Variants in EAF2 observed in about 807,000 individuals in gnomAD.
The protein encoded by EAF2 is ELL-associated factor 2.
A neutral mutation model predicts 29.4 loss-of-function variants in EAF2; 29 were observed. That is an observed-to-expected ratio of 0.99 (90% CI 0.73 to 1.35). The LOEUF (loss-of-function observed/expected upper bound fraction) is 1.35. EAF2 is among the 40% of genes most tolerant of loss of function. The pLI, the probability that EAF2 is intolerant of heterozygous loss-of-function variation, is 0.00. For missense variants in EAF2, 292 were observed against 312.0 expected (o/e 0.94, Z 0.48); for synonymous variants, 103 against 102.5 (o/e 1.00, Z -0.03).
chr3:121,872,883 C>A (rs1709041122), intron 5 of EAF2, 95 bp downstream of exon 5: 1 of 1,465,768 alleles, frequency 6.8e-7, no homozygotes, highest in Admixed American at 2.3e-5. Context: ...AAAAAGATTC[C>A]TATTTTATGC....
At chr3:121,878,977 T>G (rs1559830822) in intron 5 of EAF2, among the ~76,000 whole-genome samples, 2 of 152,164 alleles carry the variant, frequency 1.3e-5, no homozygotes, top group Non-Finnish European at 2.9e-5. Context: ...TTCTCCATAG[T>G]GCCTGTACTA....
At chr3:121,835,418 G>C (rs752735565) in intron 1 of EAF2, 27 bp downstream of exon 1, 3 of 1,601,756 alleles carry the variant, frequency 1.9e-6, no homozygotes, top group Non-Finnish European at 1.7e-6. Context: ...CGGGGATAGA[G>C]GGGGAGCCTC....
intron 4 of EAF2, among the ~76,000 whole-genome samples, chr3:121,864,474 GA>G (rs1487334861): frequency 1.3e-5 from 2 of 152,046 alleles, no homozygotes. Flanking sequence ...TATTGGTACA[GA>G]AAATCAAGAT....
intron 4 of EAF2, among the ~76,000 whole-genome samples, chr3:121,861,109 A>G (rs1005335494): frequency 4.6e-5 from 7 of 152,164 alleles, no homozygotes; most frequent in Admixed American, 3.3e-4. Context: ...CAATTTTGGA[A>G]TAAGTGTGAT....
intron 4 of EAF2, among the ~76,000 whole-genome samples, chr3:121,860,104 G>T (rs6797411): frequency 0.035 from 5,327 of 152,252 alleles, 322 homozygotes; most frequent in African/African-American, 0.12. Context: ...TCACATCGGT[G>T]TTCACCAGGG....
chr3:121,859,332 C>G (rs541308402), intron 4 of EAF2, among the ~76,000 whole-genome samples: 1 of 151,966 alleles, frequency 6.6e-6, no homozygotes, highest in African/African-American at 2.4e-5. Flanking sequence ...TGTTTGTGTC[C>G]TCTTTTATTT....
chr3:121,873,701 C>G (rs1709054210), intron 5 of EAF2, among the ~76,000 whole-genome samples: 2 of 151,784 alleles, frequency 1.3e-5, no homozygotes, highest in South Asian at 4.1e-4. Flanking sequence ...TCTTTTCTAA[C>G]AACATGTGCT....
rs200075766 is a variant in EAF2 at position 121,835,246 on chromosome 3, G to T, written c.-40G>T. Reference sequence around the variant, plus strand: ...TTCAGGCTGAGGTGGCAGATAGTGAGCGCTGGTGGCGGAGTTAAAGTCAAA... The same window carrying T: ...TTCAGGCTGAGGTGGCAGATAGTGATCGCTGGTGGCGGAGTTAAAGTCAAA... On this transcript the variant is annotated 5_prime_UTR_variant, in exon 1 of 6. Transcript: ENST00000273668. 26 of 1,593,768 alleles carry T rather than the reference G, an allele frequency of 1.6e-5. No individual in the cohort carries two copies. Among genetic ancestry groups the T allele is most frequent in the Non-Finnish European group, 2.2e-5 (26 of 1,161,444 alleles).
chr3:121,836,959 G>A (rs565360939), intron 1 of EAF2, among the ~76,000 whole-genome samples: 18 of 152,248 alleles, frequency 1.2e-4, no homozygotes, highest in African/African-American at 4.1e-4. Flanking sequence ...AATCTTGCAG[G>A]TCCTTCACAG....
intron 4 of EAF2, among the ~76,000 whole-genome samples, chr3:121,859,064 T>C (rs1708777799): frequency 6.6e-6 from 1 of 152,230 alleles, no homozygotes; most frequent in African/African-American, 2.4e-5. Flanking sequence ...GGTGTTTTGA[T>C]TACTGTAGCC....
chr3:121,860,067 A>G (rs548667430), intron 4 of EAF2, among the ~76,000 whole-genome samples: 8 of 152,264 alleles, frequency 5.3e-5, no homozygotes, highest in Admixed American at 4.6e-4. Flanking sequence ...TGCTGGATTC[A>G]ATTTGCCAGT....
intron 2 of EAF2, among the ~76,000 whole-genome samples, chr3:121,853,164 A>G (rs762661790): frequency 4.6e-5 from 7 of 152,150 alleles, no homozygotes; most frequent in Admixed American, 1.3e-4. Context: ...CATTTCATCA[A>G]TGCTTACTTA....
chr3:121,842,948 G>T (rs1708461262), intron 1 of EAF2, among the ~76,000 whole-genome samples: 1 of 151,968 alleles, frequency 6.6e-6, no homozygotes, highest in African/African-American at 2.4e-5. Flanking sequence ...GGGATATACT[G>T]TAAATCAAAA....
chr3:121,861,737 C>A (rs535545661), intron 4 of EAF2, among the ~76,000 whole-genome samples: 1 of 152,068 alleles, frequency 6.6e-6, no homozygotes, highest in African/African-American at 2.4e-5. Context: ...TTATTTTGCT[C>A]GTTAGTTTAT....
At chr3:121,861,653 G>A (rs1308876497) in intron 4 of EAF2, among the ~76,000 whole-genome samples, 2 of 152,094 alleles carry the variant, frequency 1.3e-5, no homozygotes, top group African/African-American at 2.4e-5. Flanking sequence ...TTTAATTGGA[G>A]CATTTAGCTT....
intron 5 of EAF2, among the ~76,000 whole-genome samples, chr3:121,880,793 A>T (rs571772642): frequency 1.3e-5 from 2 of 152,106 alleles, no homozygotes; most frequent in African/African-American, 4.8e-5. Context: ...GCGCATCCTT[A>T]TATTGTTCCA....
chr3:121,859,260 C>T (rs903777671), intron 4 of EAF2, among the ~76,000 whole-genome samples: 5 of 152,132 alleles, frequency 3.3e-5, no homozygotes, highest in African/African-American at 4.8e-5. Flanking sequence ...TTACCTTGGA[C>T]AGTATGGCCA....
chr3:121,848,924 AC>A (rs1708580664), intron 2 of EAF2, among the ~76,000 whole-genome samples: 1 of 152,134 alleles, frequency 6.6e-6, no homozygotes, highest in Non-Finnish European at 1.5e-5. Context: ...TATTTAGATC[AC>A]CATCTGTCAA....
At chr3:121,871,898 T>C (rs1709021092) in intron 4 of EAF2, among the ~76,000 whole-genome samples, 1 of 151,978 alleles carries the variant, frequency 6.6e-6, no homozygotes. Flanking sequence ...GAAGTTGTTC[T>C]AAATGGTAGC....
Sources: allele counts gnomAD v4.1 joint callset (sites outside exome capture counted in the v4.1 genomes callset), GRCh38; gene constraint gnomAD v4.1.1; transcripts MANE v1.5; gene names NCBI Gene and HGNC (gene_info 2026-07-23, HGNC 2026-07-21).